Variants in ASB2 observed in about 807,000 individuals in gnomAD.
The protein encoded by ASB2 is ankyrin repeat and SOCS box containing 2.
Under a neutral mutation model 62.4 loss-of-function variants are expected in ASB2, and 58 were observed. The ratio of observed to expected loss-of-function variants is 0.93; its 90% confidence interval spans 0.75 to 1.16. The LOEUF is 1.16. Among genes scored for constraint, ASB2 ranks in the 50% most tolerant of loss-of-function variants. ASB2 has a pLI of 0.00. For synonymous variants in ASB2, 386 were observed against 385.3 expected (o/e 1.00, Z -0.02); for missense variants, 928 against 887.9 (o/e 1.05, Z -0.57).
intron 2 of ASB2, chr14:93,957,139 C>G (rs898891715): frequency 8.9e-6 from 12 of 1,350,340 alleles, no homozygotes; most frequent in Non-Finnish European, 1.1e-5. Flanking sequence ...CCCCACCCCC[C>G]GGTCCCCCTC....
rs750583189 is a variant in ASB2 at position 93,947,488 on chromosome 14, C to G, written c.913G>C (p.Ala305Pro). Residue 305 changes from alanine to proline, a missense_variant, in exon 7 of 10, where the codon GCG becomes CCG. Transcript: ENST00000555019. The part of the protein sequence containing the change: ...ADINTQASDN[A>P]SALYEACKNE... Reference sequence around the variant, plus strand: ...TTGCAGGCCTCGTAGAGGGCAGACGCGTTGTCGCTGGCCTGCGTGTTGATG... The same window carrying G: ...TTGCAGGCCTCGTAGAGGGCAGACGGGTTGTCGCTGGCCTGCGTGTTGATG... The G allele has an allele frequency of 1.9e-6, 3 of 1,614,166 alleles. No individual in the cohort carries two copies. Among genetic ancestry groups the G allele is most frequent in the Non-Finnish European group, 2.5e-6 (3 of 1,180,044 alleles).
intron 1 of ASB2, among the ~76,000 whole-genome samples, chr14:93,972,120 A>G (rs951618909): frequency 2.6e-5 from 4 of 151,392 alleles, no homozygotes; most frequent in African/African-American, 7.3e-5. Context: ...AAGGTCTCCC[A>G]AATATCACAT....
intron 2 of ASB2, among the ~76,000 whole-genome samples, chr14:93,962,107 CTTTTTTTT>C (rs35800977): frequency 8.6e-4 from 63 of 73,018 alleles, no homozygotes; most frequent in South Asian, 3.1e-3. Context: ...ATTAAACATT[CTTTTTTTT>C]TTTTTTTTTT....
At chr14:93,965,816 C>T (rs1008433373) in intron 1 of ASB2, among the ~76,000 whole-genome samples, 3 of 152,230 alleles carry the variant, frequency 2.0e-5, no homozygotes, top group East Asian at 1.9e-4. Flanking sequence ...GATGGACATG[C>T]GTCAAGGATA....
At position 93,953,414 on chromosome 14, in the gene ASB2, A is replaced by G; in HGVS notation, c.572T>C (p.Leu191Pro). 6.2e-7 allele frequency: 1 copy of G among 1,607,554 alleles called. No homozygotes were observed. The highest frequency in any genetic ancestry group is 8.5e-7 in the Non-Finnish European group (1 of 1,174,812). ...GTCCGGCTCTGCCCCTGCTTGGAGC[A>G]GTGACAGGAGACAGTCCAGGTGGCC... ...CRGHLDCLLS[L>P]LQAGAEPDIS... Residue 191 changes from leucine (L) to proline (P), a missense_variant, in exon 5 of 10, where the codon CTG becomes CCG. By Grantham distance (98) the Leu-to-Pro change is moderately conservative. Transcript: ENST00000555019.
intron 1 of ASB2, 104 bp from the exon 2 acceptor site, chr14:93,964,716 T>C (rs1394902777): frequency 3.2e-6 from 2 of 631,444 alleles, no homozygotes; most frequent in African/African-American, 3.6e-5. Flanking sequence ...CACATTCATT[T>C]CTAAATTTAT....
intron 2 of ASB2, among the ~76,000 whole-genome samples, chr14:93,961,935 G>A (rs1190969456): frequency 6.6e-6 from 1 of 152,132 alleles, no homozygotes; most frequent in African/African-American, 2.4e-5. Context: ...GAGCGGGACA[G>A]ACTTTGGTTC....
intron 1 of ASB2, among the ~76,000 whole-genome samples, chr14:93,967,504 G>A (rs1889629925): frequency 6.6e-6 from 1 of 152,250 alleles, no homozygotes; most frequent in African/African-American, 2.4e-5. Flanking sequence ...CAGGGCACAA[G>A]GGGGAAGAGC....
intron 1 of ASB2, among the ~76,000 whole-genome samples, chr14:93,967,363 G>A (rs1889626744): frequency 6.6e-6 from 1 of 151,528 alleles, no homozygotes; most frequent in Admixed American, 6.6e-5. Context: ...AGCTGGTCTG[G>A]CTTTACATAC....
chr14:93,937,398 G>A (rs1353278033), intron 9 of ASB2, among the ~76,000 whole-genome samples: 1 of 152,084 alleles, frequency 6.6e-6, no homozygotes, highest in Non-Finnish European at 1.5e-5. Context: ...TACCCTGAAG[G>A]TCCCGGTACC....
Position 93,964,568 on chromosome 14 carries a change from G to C in ASB2, c.-29C>G. 1 of 1,533,172 alleles carries C rather than the reference G, an allele frequency of 6.5e-7. No individual in the cohort carries two copies. The highest frequency in any genetic ancestry group is 8.7e-7 in the Non-Finnish European group (1 of 1,144,358). 95.0% of individuals were successfully genotyped at this position (1,533,172 alleles called of 1,614,324 possible). The stretch of plus-strand genomic sequence containing the variant: ...CCTCCACCTCTCACCCTGGCCTCCA[G>C]AACAGACACCCAGTGGGGAGGAGGG... On this transcript the variant is annotated 5_prime_UTR_variant, in exon 2 of 10. Coordinates refer to ENST00000555019, the MANE Select transcript of ASB2 (RefSeq NM_001202429.2).
intron 5 of ASB2, among the ~76,000 whole-genome samples, chr14:93,952,657 CTGG>C (rs1403063829): frequency 1.3e-5 from 2 of 152,132 alleles, no homozygotes; most frequent in East Asian, 3.9e-4. Flanking sequence ...CTGTGTGATC[CTGG>C]GCGACCCATT....
chr14:93,940,706 C>A (rs1888485388), intron 7 of ASB2, among the ~76,000 whole-genome samples: 1 of 152,356 alleles, frequency 6.6e-6, no homozygotes, highest in Non-Finnish European at 1.5e-5. Context: ...GAGCTCCCTG[C>A]AACCACCAGT....
rs772765823 is a variant in ASB2 at position 93,951,262 on chromosome 14, CAG to C, written c.635-20_635-19del. ...CTCGCAGGCTGTGCTCAGGGGGAAG[CAG>C]GGATGGTCAGCAGGGCCTGGCAGGA... On this transcript the variant is annotated intron_variant, in intron 5 of 9. Transcript: ENST00000555019. The C allele has an allele frequency of 5.8e-5, 91 of 1,576,320 alleles. No individual in the cohort carries two copies. Among genetic ancestry groups the C allele is most frequent in the Non-Finnish European group, 4.9e-5 (57 of 1,162,196 alleles).
rs112630204 is a variant in ASB2 at position 93,966,733 on chromosome 14, T to C, written c.-73-2121A>G. ...CAGTCAAATCATCTTAACGAATGTC[T>C]CTCAGGCCTGGCTGAGAGTCTTGAA... On this transcript the variant is annotated intron_variant, in intron 1 of 9. Transcript: ENST00000555019. Among the ~76,000 whole-genome samples the C allele has an allele frequency of 7.1e-3, 1,079 of 152,300 alleles. 5 individuals carry two copies. The highest frequency in any genetic ancestry group is 0.025 in the African/African-American group (1,042 of 41,548).
chr14:93,938,821 T>G (rs1016023960), intron 8 of ASB2, among the ~76,000 whole-genome samples: 3 of 152,202 alleles, frequency 2.0e-5, no homozygotes, highest in Admixed American at 2.0e-4. Context: ...CTCTTAAGTG[T>G]GCTAACCACC....
intron 7 of ASB2, among the ~76,000 whole-genome samples, chr14:93,940,863 C>G (rs972451834): frequency 3.3e-5 from 5 of 152,188 alleles, no homozygotes; most frequent in African/African-American, 1.2e-4. Flanking sequence ...GTATGTGACT[C>G]CTCCAAGGAT....
intron 9 of ASB2, among the ~76,000 whole-genome samples, chr14:93,937,449 G>A (rs537837790): frequency 3.8e-4 from 58 of 152,226 alleles, no homozygotes; most frequent in Non-Finnish European, 6.8e-4. Flanking sequence ...ATGGAAAGAT[G>A]TAGCGGAGAG....
intron 4 of ASB2, 101 bp from the exon 5 acceptor site, chr14:93,953,608 A>T (rs1257126876): frequency 9.5e-7 from 1 of 1,050,524 alleles, no homozygotes; most frequent in Non-Finnish European, 1.3e-6. Context: ...ACAATGTATG[A>T]CATCCTCTGA....
Sources: gnomAD v4.1 joint callset for allele counts (sites outside exome capture counted in the v4.1 genomes callset) on GRCh38, gnomAD v4.1.1 for gene constraint, MANE v1.5 for transcripts, NCBI Gene and HGNC (gene_info 2026-07-23, HGNC 2026-07-21) for gene names.